Variants in GALNT13 observed in about 807,000 individuals in gnomAD.
GALNT13 encodes UDP-GalNAc:polypeptide N-acetylgalactosaminyltransferase 13.
GALNT13 carries 28 observed loss-of-function variants against 64.2 expected under a neutral mutation model. That is an observed-to-expected ratio of 0.44 (90% CI 0.32 to 0.60). The LOEUF (loss-of-function observed/expected upper bound fraction) is 0.60. Among genes scored for constraint, GALNT13 ranks in the 20% least tolerant of loss-of-function variants. The pLI is 0.05. For synonymous variants in GALNT13, 214 were observed against 224.6 expected (o/e 0.95, Z 0.42); for missense variants, 577 against 669.8 (o/e 0.86, Z 1.53).
the GALNT13 span, among the ~76,000 whole-genome samples, chr2:153,582,867 T>C: frequency 6.6e-6 from 1 of 152,214 alleles, no homozygotes; most frequent in Non-Finnish European, 1.5e-5. Flanking sequence ...GGCTGTAGGT[T>C]TGCAAGAACA....
At chr2:154,287,163 C>G (rs747750363) in intron 8 of GALNT13, 2 of 1,481,522 alleles carry the variant, frequency 1.3e-6, no homozygotes, top group Non-Finnish European at 1.9e-6. Context: ...GCGGTGGAAG[C>G]CAAACAATTG....
At chr2:153,132,689 A>G in the GALNT13 span, among the ~76,000 whole-genome samples, 1 of 152,120 alleles carries the variant, frequency 6.6e-6, no homozygotes, top group African/African-American at 2.4e-5. Flanking sequence ...ATTTCTCACA[A>G]TGTTATATTT....
At chr2:154,208,986 A>G (rs924997975) in intron 4 of GALNT13, among the ~76,000 whole-genome samples, 50 of 152,058 alleles carry the variant, frequency 3.3e-4, no homozygotes, top group African/African-American at 9.7e-4. Flanking sequence ...TGTATTTCCC[A>G]TTTACAATTT....
chr2:153,107,649 G>T, the GALNT13 span, among the ~76,000 whole-genome samples: 1 of 152,132 alleles, frequency 6.6e-6, no homozygotes. Flanking sequence ...CAAATCATTT[G>T]TATTTGCCTT....
chr2:153,155,926 T>G, the GALNT13 span, among the ~76,000 whole-genome samples: 6 of 152,190 alleles, frequency 3.9e-5, no homozygotes, highest in African/African-American at 9.6e-5. Context: ...GATTCTGGTA[T>G]GTTGTCTCTT....
At chr2:153,520,118 G>GA in the GALNT13 span, among the ~76,000 whole-genome samples, 3 of 151,776 alleles carry the variant, frequency 2.0e-5, no homozygotes, top group African/African-American at 7.3e-5. Context: ...TGTCTTACTA[G>GA]AAAAAAAATT....
intron 11 of GALNT13, chr2:154,436,003 A>G (rs1700950727): frequency 6.6e-6 from 1 of 152,184 alleles, no homozygotes; most frequent in South Asian, 2.1e-4. Flanking sequence ...TGACTTTTTT[A>G]TTATTATGAA....
the GALNT13 span, among the ~76,000 whole-genome samples, chr2:153,376,331 T>C: frequency 6.6e-6 from 1 of 152,118 alleles, no homozygotes; most frequent in East Asian, 1.9e-4. Flanking sequence ...CAATAGGCTA[T>C]GAAATGGAGA....
At chr2:153,693,624 A>AGAGGAGAAAGGGCAAGCAG in the GALNT13 span, among the ~76,000 whole-genome samples, 2 of 151,994 alleles carry the variant, frequency 1.3e-5, no homozygotes, top group African/African-American at 4.8e-5. Flanking sequence ...TTCAATATTT[A>AGAGGAGAAAGGGCAAGCAG]GAGGAGAAAG....
chr2:154,120,476 G>C (rs1030103552), intron 3 of GALNT13, among the ~76,000 whole-genome samples: 1 of 152,128 alleles, frequency 6.6e-6, no homozygotes, highest in African/African-American at 2.4e-5. Context: ...GAAGCCATGG[G>C]GTGAGCTTTT....
At chr2:153,433,049 C>T in the GALNT13 span, among the ~76,000 whole-genome samples, 1 of 151,984 alleles carries the variant, frequency 6.6e-6, no homozygotes, top group East Asian at 1.9e-4. Context: ...AGACTCTCCT[C>T]TATATTATCT....
the GALNT13 span, among the ~76,000 whole-genome samples, chr2:153,429,335 C>G: frequency 6.6e-6 from 1 of 152,144 alleles, no homozygotes; most frequent in African/African-American, 2.4e-5. Context: ...GTCATACAAA[C>G]AGTTTCTGTG....
intron 3 of GALNT13, among the ~76,000 whole-genome samples, chr2:153,987,001 C>G (rs957471626): frequency 2.6e-5 from 4 of 151,836 alleles, no homozygotes; most frequent in Admixed American, 2.0e-4. Flanking sequence ...ATAAGAGAAG[C>G]GTAAGAGCCA....
chr2:153,135,988 G>T, the GALNT13 span, among the ~76,000 whole-genome samples: 82,894 of 151,964 alleles, frequency 0.55, 23,810 homozygotes, highest in Admixed American at 0.67. Context: ...ATGCAGGAAT[G>T]GTTGGTCAAT....
chr2:153,794,038 T>C, the GALNT13 span, among the ~76,000 whole-genome samples: 2 of 152,320 alleles, frequency 1.3e-5, no homozygotes, highest in East Asian at 3.9e-4. Flanking sequence ...TTGTTCCTTT[T>C]GCTATAAAGT....
chr2:154,322,081 G>T (rs1221944131), intron 9 of GALNT13, among the ~76,000 whole-genome samples: 1 of 148,398 alleles, frequency 6.7e-6, no homozygotes, highest in Non-Finnish European at 1.5e-5. Context: ...AAAGGCCTAG[G>T]ATTCTAAAGG....
the GALNT13 span, among the ~76,000 whole-genome samples, chr2:153,395,389 G>A: frequency 2.6e-5 from 4 of 152,210 alleles, no homozygotes; most frequent in East Asian, 3.9e-4. Context: ...ATCACATGAC[G>A]TTTCTAATCT....
intron 2 of GALNT13, among the ~76,000 whole-genome samples, chr2:153,942,556 T>A (rs968270462): frequency 2.6e-5 from 4 of 152,140 alleles, no homozygotes; most frequent in Non-Finnish European, 5.9e-5. Flanking sequence ...TAGAGGCTGA[T>A]TTCCAATATT....
At chr2:153,333,130 G>A in the GALNT13 span, among the ~76,000 whole-genome samples, 156 of 152,336 alleles carry the variant, frequency 1.0e-3, 1 homozygote, top group Non-Finnish European at 1.9e-3. Flanking sequence ...CTGGCGGATT[G>A]CCACAGAATG....
Sources: allele counts gnomAD v4.1 joint callset (sites outside exome capture counted in the v4.1 genomes callset), GRCh38; gene constraint gnomAD v4.1.1; transcripts MANE v1.5; gene names NCBI Gene and HGNC (gene_info 2026-07-23, HGNC 2026-07-21).